The following HEATR5B variants were observed in gnomAD, a reference collection of about 807,000 sequenced individuals.
The protein encoded by HEATR5B is HEAT repeat-containing protein 5B.
HEATR5B carries 156 observed loss-of-function variants against 224.1 expected under a neutral mutation model. The observed-to-expected ratio is 0.70, with a 90% CI of 0.61 to 0.80. The LOEUF (loss-of-function observed/expected upper bound fraction) is 0.80, where lower values mean the gene tolerates loss of function less well. Among genes scored for constraint, HEATR5B ranks in the 30% least tolerant of loss-of-function variants. The pLI is 0.00. For synonymous variants in HEATR5B, 1,027 were observed against 893.0 expected (o/e 1.15, Z -2.68); for missense variants, 2,323 against 2,535.5 (o/e 0.92, Z 1.80).
Position 37,040,408 on chromosome 2 carries a change from CG to C in HEATR5B, c.2966del (p.Pro989ArgfsTer18). 1.2e-6 allele frequency: 2 copies of C among 1,613,924 alleles called. No individual in the cohort carries two copies. The highest frequency in any genetic ancestry group is 1.7e-6 in the Non-Finnish European group (2 of 1,179,926). ...ACTGATGAACTTCTGTATGTGAAGG[CG>C]GAACTGTCAACAGCAAGGTAAGAAC... is the stretch of plus-strand genomic sequence containing the variant. Reference protein sequence around the residue: ...SLVLTLLLTVPPSHTEVHQCL... With the variant: ...SLVLTLLLTVXPSHTEVHQCL... On this transcript the variant is annotated frameshift_variant, in exon 20 of 36. Coordinates refer to ENST00000233099, the MANE Select transcript of HEATR5B (RefSeq NM_019024.3). LOFTEE classifies it high-confidence loss of function.
intron 24 of HEATR5B, among the ~76,000 whole-genome samples, chr2:37,025,108 T>C (rs1668686289): frequency 1.3e-5 from 2 of 152,186 alleles, no homozygotes; most frequent in South Asian, 2.1e-4. Flanking sequence ...ATTGGGTCTA[T>C]ACTTTTTCAT....
At chr2:37,039,284 G>C (rs1669728138) in intron 20 of HEATR5B, among the ~76,000 whole-genome samples, 1 of 152,052 alleles carries the variant, frequency 6.6e-6, no homozygotes, top group Non-Finnish European at 1.5e-5. Flanking sequence ...GGCCAACATG[G>C]TGAAACCCTG....
intron 31 of HEATR5B, 33 bp from the exon 32 acceptor site, chr2:37,002,605 G>T (rs1226108085): frequency 1.3e-6 from 2 of 1,590,686 alleles, no homozygotes. Flanking sequence ...GAAATTTCCA[G>T]CCAAAAAAAA....
chr2:36,984,215 A>AAAAAATATATATAT, intron 35 of HEATR5B, among the ~76,000 whole-genome samples: 1 of 77,640 alleles, frequency 1.3e-5, no homozygotes, highest in African/African-American at 5.9e-5. Context: ...AAAAAAAAAA[A>AAAAAATATATATAT]ATATATATAT....
chr2:37,004,444 C>G (rs1013723976), intron 30 of HEATR5B, among the ~76,000 whole-genome samples: 3 of 151,336 alleles, frequency 2.0e-5, no homozygotes, highest in Non-Finnish European at 2.9e-5. Flanking sequence ...ACATGTCCCC[C>G]CTGCACTATT....
At chr2:37,025,488 C>T (rs1161738398) in intron 24 of HEATR5B, among the ~76,000 whole-genome samples, 1 of 150,166 alleles carries the variant, frequency 6.7e-6, no homozygotes, top group East Asian at 2.0e-4. Context: ...ATGCGGCATC[C>T]TCGATAGGAT....
chr2:37,045,475 C>T (rs1018151485), intron 18 of HEATR5B, among the ~76,000 whole-genome samples: 2 of 152,152 alleles, frequency 1.3e-5, no homozygotes, highest in African/African-American at 2.4e-5. Flanking sequence ...AATATCGTTC[C>T]GAGGGCTTCA....
intron 33 of HEATR5B, among the ~76,000 whole-genome samples, chr2:36,992,459 C>T (rs909746811): frequency 3.3e-5 from 5 of 151,556 alleles, no homozygotes; most frequent in African/African-American, 9.7e-5. Context: ...TGCATGCCTG[C>T]AGTCCCAGCT....
intron 18 of HEATR5B, among the ~76,000 whole-genome samples, chr2:37,049,438 A>T (rs1670399344): frequency 6.6e-6 from 1 of 152,238 alleles, no homozygotes; most frequent in Non-Finnish European, 1.5e-5. Flanking sequence ...CTGGATTAGA[A>T]GCCCTCTCCA....
chr2:37,034,553 C>A (rs1320077476), intron 21 of HEATR5B, among the ~76,000 whole-genome samples: 1 of 132,410 alleles, frequency 7.6e-6, no homozygotes, highest in African/African-American at 2.8e-5. Flanking sequence ...GCGGAGCTTG[C>A]AGTGAGCCGA....
chr2:37,053,529 T>G lies in HEATR5B; in HGVS notation c.2478A>C (p.Ile826=). ...GVRQQAVQLN[I]FTAVLSALKG... The stretch of plus-strand genomic sequence containing the variant: ...TTAGTGCACTAAGAACAGCAGTAAA[T>G]ATGTTAAGCTGCACAGCCTGCTGGC... Residue 826 remains isoleucine, a synonymous_variant, in exon 17 of 36, where the codon ATA becomes ATC. Coordinates refer to ENST00000233099, the MANE Select transcript of HEATR5B (RefSeq NM_019024.3). 5 of 1,605,818 alleles carry G rather than the reference T, an allele frequency of 3.1e-6. No homozygotes were observed. The highest frequency in any genetic ancestry group is 2.7e-5 in the African/African-American group (2 of 74,924).
chr2:37,070,213 A>T lies in HEATR5B; in HGVS notation c.927+17T>A. Reference sequence around the variant, plus strand: ...CCGTGCCTGGCCAAAATTCTTTCACACATACGTGTTACAAACCTGCGTAAC... The same window carrying T: ...CCGTGCCTGGCCAAAATTCTTTCACTCATACGTGTTACAAACCTGCGTAAC... On this transcript the variant is annotated intron_variant, in intron 7 of 35. Coordinates refer to ENST00000233099, the MANE Select transcript of HEATR5B (RefSeq NM_019024.3). 1 of 1,613,596 alleles carries T rather than the reference A, an allele frequency of 6.2e-7. No homozygotes were observed. The highest frequency in any genetic ancestry group is 8.5e-7 in the Non-Finnish European group (1 of 1,179,686).
intron 33 of HEATR5B, among the ~76,000 whole-genome samples, chr2:36,993,143 C>T (rs1034749992): frequency 6.6e-6 from 1 of 152,042 alleles, no homozygotes; most frequent in South Asian, 2.1e-4. Flanking sequence ...GGGGGAAATA[C>T]TCAGTCTGCT....
intron 17 of HEATR5B, among the ~76,000 whole-genome samples, chr2:37,050,692 A>C (rs147875588): frequency 6.6e-6 from 1 of 152,346 alleles, no homozygotes; most frequent in African/African-American, 2.4e-5. Context: ...AGTTTATATA[A>C]AAATTTCACA....
intron 17 of HEATR5B, 34 bp downstream of exon 17, chr2:37,053,468 T>C: frequency 8.1e-7 from 1 of 1,231,268 alleles, no homozygotes; most frequent in East Asian, 2.4e-5. Flanking sequence ...AATTAAAAAC[T>C]TATTTCAGAA....
chr2:36,985,112 G>A lies in HEATR5B; in HGVS notation c.5912-3318C>T, dbSNP rs186357218. Reference sequence around the variant, plus strand: ...AACATCTGTAAATGGGATGAAAAAAGTTGAACGACTTAAATTCAAAAGCTG... The same window carrying A: ...AACATCTGTAAATGGGATGAAAAAAATTGAACGACTTAAATTCAAAAGCTG... On this transcript the variant is annotated intron_variant, in intron 35 of 35. Transcript: ENST00000233099. 2.6e-3 allele frequency among the ~76,000 whole-genome samples: 399 copies of A among 152,238 alleles called. 1 individual carries two copies. Among genetic ancestry groups the A allele is most frequent in the Middle Eastern group, 6.8e-3 (2 of 294 alleles).
At chr2:37,009,622 T>C (rs1342922274) in intron 27 of HEATR5B, among the ~76,000 whole-genome samples, 1 of 152,014 alleles carries the variant, frequency 6.6e-6, no homozygotes, top group East Asian at 1.9e-4. Flanking sequence ...GATTTCCTGA[T>C]AAACACAAAA....
intron 28 of HEATR5B, among the ~76,000 whole-genome samples, chr2:37,007,927 C>T (rs1382907887): frequency 6.6e-6 from 1 of 152,224 alleles, no homozygotes; most frequent in African/African-American, 2.4e-5. Context: ...CTATCATCTT[C>T]TCTTTCTATC....
chr2:37,058,804 C>A, intron 13 of HEATR5B, 84 bp downstream of exon 13: 1 of 874,374 alleles, frequency 1.1e-6, no homozygotes, highest in South Asian at 1.8e-5. Flanking sequence ...CTAGATGATT[C>A]TAGAAGAAAG....
Sources: allele counts gnomAD v4.1 joint callset (sites outside exome capture counted in the v4.1 genomes callset), GRCh38; gene constraint gnomAD v4.1.1; transcripts MANE v1.5; gene names NCBI Gene and HGNC (gene_info 2026-07-23, HGNC 2026-07-21).